The following NBPF9 variants were observed in gnomAD, a reference collection of about 807,000 sequenced individuals.
NBPF9 encodes the protein NBPF family member NBPF9.
NBPF9 carries 91 observed loss-of-function variants against 97.8 expected under a neutral mutation model. The observed-to-expected ratio is 0.93, with a 90% CI of 0.79 to 1.11. The LOEUF is 1.11. Ranked by LOEUF, NBPF9 falls within the 50% of genes least tolerant of loss-of-function variation. NBPF9 has a pLI of 0.00. For missense variants in NBPF9, 992 were observed against 939.5 expected, an observed-to-expected ratio of 1.06 and a Z score of -0.73; for synonymous variants, 334 against 359.5, an observed-to-expected ratio of 0.93 and a Z score of 0.80.
intron 4 of NBPF9, among the ~76,000 whole-genome samples, chr1:149,093,458 T>G (rs2152922915): frequency 6.6e-6 from 1 of 151,840 alleles, no homozygotes; most frequent in Non-Finnish European, 1.5e-5. Flanking sequence ...GACAGTCAGG[T>G]CTTTCCCTTC....
At chr1:149,064,967 G>T in intron 18 of NBPF9, 2 of 533,770 alleles carry the variant, frequency 3.7e-6, no homozygotes, top group Non-Finnish European at 6.7e-6. Context: ...TGGGTGAAAA[G>T]TCAGCCATTT....
intron 5 of NBPF9, among the ~76,000 whole-genome samples, chr1:149,084,396 A>C (rs1187768521): frequency 6.8e-6 from 1 of 147,660 alleles, no homozygotes; most frequent in Non-Finnish European, 1.5e-5. Flanking sequence ...GTATATACAT[A>C]ATATACAATA....
At position 149,102,724 on chromosome 1, in the gene NBPF9, C is replaced by T. The variant is rs2082226859; in HGVS notation, c.-724+5G>A. 6.6e-6 allele frequency: 1 copy of T among 151,502 alleles called. No individual in the cohort carries two copies. The highest frequency in any genetic ancestry group is 6.6e-5 in the Admixed American group (1 of 15,196). 9.4% of individuals were successfully genotyped at this position (151,502 alleles called of 1,614,324 possible). A position where few individuals can be genotyped will look rare whatever the true frequency, so the allele number is the denominator to read the frequency against. ...TGCAAACACCAACCCCACAATCCAA[C>T]CTACCGGAAATCCTGCGGTGAATTA... is the stretch of plus-strand genomic sequence containing the variant. On this transcript the variant is annotated splice_donor_5th_base_variant and intron_variant, in intron 2 of 29. Coordinates refer to ENST00000584027, the Ensembl canonical transcript of NBPF9.
Position 149,071,242 on chromosome 1 carries a change from C to T in NBPF9, c.1380-103G>A, listed in dbSNP as rs587703765. On this transcript the variant is annotated intron_variant, in intron 15 of 29. Transcript: ENST00000584027. Reference sequence around the variant, plus strand: ...TGACAGGCGGCATTAAGAGAGTGGTCCCAGAAAGCAAAATGGAGGTTCCCA... The same window carrying T: ...TGACAGGCGGCATTAAGAGAGTGGTTCCAGAAAGCAAAATGGAGGTTCCCA... 2.2e-3 allele frequency: 2,751 copies of T among 1,263,612 alleles called. 10 individuals are homozygous for T. Among genetic ancestry groups the T allele is most frequent in the Non-Finnish European group, 2.8e-3 (2,455 of 875,264 alleles). 78.3% of individuals were successfully genotyped at this position (1,263,612 alleles called of 1,614,324 possible).
At chr1:149,083,235 T>G (rs2080682703) in intron 5 of NBPF9, among the ~76,000 whole-genome samples, 1 of 131,960 alleles carries the variant, frequency 7.6e-6, no homozygotes, top group Non-Finnish European at 1.6e-5. Flanking sequence ...TTGATATCCA[T>G]TTTTCTGATG....
exon 7 of NBPF9, chr1:149,082,159 G>C: frequency 1.2e-6 from 2 of 1,612,108 alleles, no homozygotes; most frequent in Non-Finnish European, 1.7e-6. Context: ...TGTGGCAGAA[G>C]AGGTGGGGCC....
At chr1:149,078,909 A>G in intron 9 of NBPF9, 98 bp downstream of exon 9, 1 of 1,586,288 alleles carries the variant, frequency 6.3e-7, no homozygotes, top group African/African-American at 1.3e-5. Flanking sequence ...GTAGCAGAAA[A>G]AAACCCCACT....
chr1:149,089,402 CAGGG>C (rs1244436148), intron 5 of NBPF9, among the ~76,000 whole-genome samples: 176 of 152,322 alleles, frequency 1.2e-3, no homozygotes, highest in African/African-American at 4.1e-3. Context: ...AGTGCCAGAG[CAGGG>C]AGGGAGAGGG....
exon 18 of NBPF9, chr1:149,065,615 G>A: frequency 6.2e-7 from 1 of 1,603,842 alleles, no homozygotes; most frequent in Non-Finnish European, 8.5e-7. Context: ...CATTTCAGGA[G>A]GAATTGAGGG....
At chr1:149,100,680 TC>T (rs1246518790) in intron 3 of NBPF9, among the ~76,000 whole-genome samples, 1 of 152,222 alleles carries the variant, frequency 6.6e-6, no homozygotes, top group Admixed American at 6.5e-5. Flanking sequence ...ATGCCTGTAA[TC>T]CCCACACTCT....
At chr1:149,071,436 A>G (rs2079401682) in intron 15 of NBPF9, among the ~76,000 whole-genome samples, 168 bp downstream of exon 15, 1 of 148,202 alleles carries the variant, frequency 6.7e-6, no homozygotes, top group Admixed American at 6.7e-5. Context: ...GCACACATAG[A>G]GAAACATGAC....
At chr1:149,068,534 C>T (rs1553652273) in intron 17 of NBPF9, among the ~76,000 whole-genome samples, 5 of 151,226 alleles carry the variant, frequency 3.3e-5, no homozygotes, top group Non-Finnish European at 4.4e-5. Flanking sequence ...CAAAGAAGGC[C>T]ACTACATAAT....
intron 19 of NBPF9, among the ~76,000 whole-genome samples, chr1:149,064,092 ACT>A (rs2078854496): frequency 7.2e-6 from 1 of 138,004 alleles, no homozygotes; most frequent in African/African-American, 2.9e-5. Context: ...GTCAAAGGAC[ACT>A]CTGTATTTGT....
intron 5 of NBPF9, among the ~76,000 whole-genome samples, chr1:149,089,364 A>G (rs1370163867): frequency 6.6e-6 from 1 of 152,068 alleles, no homozygotes; most frequent in Admixed American, 6.5e-5. Context: ...CTGAAGTAAT[A>G]GACAGATGCA....
chr1:149,055,511 CATGGTTTGAGAATAGGA>C (rs1553648531), exon 30 of NBPF9: 1 of 1,535,156 alleles, frequency 6.5e-7, no homozygotes, highest in East Asian at 2.3e-5. Context: ...TTGCCACTGG[CATGGTTTGAGAATAGGA>C]ATAGAGCCAT....
intron 5 of NBPF9, among the ~76,000 whole-genome samples, chr1:149,083,009 CTG>C (rs2152911098): frequency 8.8e-6 from 1 of 113,014 alleles, no homozygotes; most frequent in Admixed American, 1.2e-4. Context: ...CGGGGTTTCA[CTG>C]TGTTAGCCAC....
At chr1:149,072,672 T>A (rs1481667095) in intron 14 of NBPF9, 46 bp downstream of exon 14, 1 of 1,597,828 alleles carries the variant, frequency 6.3e-7, no homozygotes, top group African/African-American at 1.3e-5. Context: ...CTGGAGCCTC[T>A]CATAAGCCTG....
chr1:149,099,118 T>A (rs1251100618), intron 3 of NBPF9, among the ~76,000 whole-genome samples: 1 of 152,040 alleles, frequency 6.6e-6, no homozygotes, highest in African/African-American at 2.4e-5. Flanking sequence ...CACCAAGTAA[T>A]ACTTGAGGCA....
At chr1:149,065,652 C>T (rs781890404) in exon 18 of NBPF9, 9 of 1,603,694 alleles carry the variant, frequency 5.6e-6, no homozygotes, top group Non-Finnish European at 7.6e-6. Context: ...TCCCAGGACT[C>T]CTGGGGGACT....
Sources: gnomAD v4.1 joint callset for allele counts (sites outside exome capture counted in the v4.1 genomes callset) on GRCh38, gnomAD v4.1.1 for gene constraint, MANE v1.5 for transcripts, NCBI Gene and HGNC (gene_info 2026-07-23, HGNC 2026-07-21) for gene names.